Variants in GPC4 observed in about 807,000 individuals in gnomAD.
GPC4 encodes glypican-4.
In GPC4, 10 loss-of-function variants were observed where a neutral mutation model predicts 35.0. That is an observed-to-expected ratio of 0.29 (90% CI 0.18 to 0.48). The LOEUF is 0.48. GPC4 is among the 20% of genes least tolerant of loss of function. The probability of loss-of-function intolerance (pLI) is 0.99; values close to 1 mark genes in which losing one functional copy is unlikely to be tolerated. For missense variants in GPC4, 322 were observed against 451.3 expected (o/e 0.71, Z 2.60); for synonymous variants, 167 against 170.2 (o/e 0.98, Z 0.15).
At chrX:133,327,636 A>AGTGTGTGTGTGTGTGTGT (rs557359106) in intron 2 of GPC4, among the ~76,000 whole-genome samples, 24 of 83,282 alleles carry the variant, frequency 2.9e-4, no homozygotes, top group African/African-American at 1.1e-3. Context: ...TGTCCAGGAA[A>AGTGTGTGTGTGTGTGTGT]GTGTGTGTGT....
chrX:133,398,325 T>C (rs1054983675), intron 1 of GPC4, among the ~76,000 whole-genome samples: 2 of 110,625 alleles, frequency 1.8e-5, no homozygotes, highest in African/African-American at 6.6e-5. Flanking sequence ...TAGCTAAAAA[T>C]ACTTGCTTGT....
At chrX:133,344,049 T>A (rs943782842) in intron 1 of GPC4, among the ~76,000 whole-genome samples, 1 of 109,635 alleles carries the variant, frequency 9.1e-6, no homozygotes, top group African/African-American at 3.3e-5. Context: ...AATGTTCGTT[T>A]ATTTTCAGTT....
In GPC4 at chrX:133,397,294, A is replaced by G. The variant is rs755900558; in HGVS notation, c.160+17512T>C. 1.4e-4 allele frequency among the ~76,000 whole-genome samples: 16 copies of G among 111,687 alleles called. No individual in the cohort carries two copies. The South Asian group carries it at 6.0e-3, about 42-fold the overall frequency. The stretch of plus-strand genomic sequence containing the variant: ...ACAGAAATTAGCCAGGTGTGGTGGC[A>G]CACGCCTCTAGTCCCAGCGCTTTGG... On this transcript the variant is annotated intron_variant, in intron 1 of 8. Coordinates refer to ENST00000370828, the MANE Select transcript of GPC4 (RefSeq NM_001448.3).
At chrX:133,308,925 A>C (rs945788659) in intron 4 of GPC4, among the ~76,000 whole-genome samples, 4 of 110,289 alleles carry the variant, frequency 3.6e-5, no homozygotes, top group Admixed American at 9.7e-5. Flanking sequence ...AGGGGGAAAA[A>C]GCCCTTGACC....
intron 1 of GPC4, among the ~76,000 whole-genome samples, chrX:133,353,237 C>G (rs113936954): frequency 0.053 from 5,959 of 111,657 alleles, 402 homozygotes; most frequent in African/African-American, 0.18. Context: ...ACGGCTGCAT[C>G]TTACCATTTT....
chrX:133,410,465 G>A (rs1352378167), intron 1 of GPC4, among the ~76,000 whole-genome samples: 1 of 111,942 alleles, frequency 8.9e-6, no homozygotes, highest in Non-Finnish European at 1.9e-5. Flanking sequence ...TTGGTATAGG[G>A]CCAGGCCCAG....
intron 1 of GPC4, among the ~76,000 whole-genome samples, chrX:133,406,424 T>C (rs780010263): frequency 1.8e-5 from 2 of 112,421 alleles, no homozygotes; most frequent in African/African-American, 6.5e-5. Flanking sequence ...TGAATCTCAT[T>C]GGAAAATTTA....
chrX:133,326,231 G>T (rs1360622239), intron 2 of GPC4, among the ~76,000 whole-genome samples: 1 of 111,205 alleles, frequency 9.0e-6, no homozygotes, highest in East Asian at 2.8e-4. Context: ...AAGTGAGAGG[G>T]CAGAAACTGC....
chrX:133,326,123 G>A (rs750935035), intron 2 of GPC4, among the ~76,000 whole-genome samples: 7 of 109,944 alleles, frequency 6.4e-5, no homozygotes, highest in Non-Finnish European at 1.3e-4. Context: ...AGAAAGAAAG[G>A]GAAATGGACT....
intron 1 of GPC4, among the ~76,000 whole-genome samples, chrX:133,377,599 A>T (rs1434942150): frequency 8.9e-6 from 1 of 112,285 alleles, no homozygotes; most frequent in African/African-American, 3.2e-5. Flanking sequence ...ACATGCATTG[A>T]GCATTTGTTA....
intron 1 of GPC4, among the ~76,000 whole-genome samples, chrX:133,383,302 C>T (rs1443045611): frequency 3.6e-5 from 4 of 111,135 alleles, no homozygotes; most frequent in Admixed American, 9.6e-5. Flanking sequence ...GAAAAGGCTA[C>T]GTACTGTTTC....
intron 1 of GPC4, among the ~76,000 whole-genome samples, chrX:133,407,970 TC>T (rs1202425940): frequency 8.9e-6 from 1 of 112,641 alleles, no homozygotes. Context: ...TTCAGTTTTT[TC>T]CCCTAATTTC....
intron 1 of GPC4, 115 bp from the exon 2 acceptor site, chrX:133,339,456 CAT>C (rs2068457423): frequency 1.8e-6 from 1 of 552,022 alleles, no homozygotes; most frequent in Non-Finnish European, 2.7e-6. Flanking sequence ...GCCCAGGCAA[CAT>C]GTGTATCTAA....
rs1569350423 is a variant in GPC4 at position 133,361,972 on chromosome X, G to A, written c.161-22631C>T. Among the ~76,000 whole-genome samples the A allele has an allele frequency of 2.7e-5, 3 of 110,655 alleles. No homozygotes were observed. The Admixed American group carries it at 2.9e-4, about 11-fold the overall frequency. On this transcript the variant is annotated intron_variant, in intron 1 of 8. Coordinates refer to ENST00000370828, the MANE Select transcript of GPC4 (RefSeq NM_001448.3). ...TCATACCTGTAATCCCAGCACTTTGGGGAGTCTGAGGCGGGAGGATTGCTT... is the reference window on the plus strand; with the variant it reads ...TCATACCTGTAATCCCAGCACTTTGAGGAGTCTGAGGCGGGAGGATTGCTT...
chrX:133,386,588 A>G (rs2068691650), intron 1 of GPC4, among the ~76,000 whole-genome samples: 1 of 111,799 alleles, frequency 8.9e-6, no homozygotes. Flanking sequence ...GAACAACCTG[A>G]GACATGGCTA....
At chrX:133,386,936 C>T (rs908674576) in intron 1 of GPC4, among the ~76,000 whole-genome samples, 6 of 111,447 alleles carry the variant, frequency 5.4e-5, no homozygotes, top group African/African-American at 2.0e-4. Context: ...GAGGAGGCAG[C>T]CAGAAGCCCA....
At chrX:133,389,762 T>C (rs2068710824) in intron 1 of GPC4, among the ~76,000 whole-genome samples, 1 of 111,288 alleles carries the variant, frequency 9.0e-6, no homozygotes, top group Non-Finnish European at 1.9e-5. Context: ...GAAATATACA[T>C]GTGGCCAGCA....
At position 133,310,957 on chromosome X, in the gene GPC4, A is replaced by G. The variant is rs758721058; in HGVS notation, c.877+301T>C. Among the ~76,000 whole-genome samples the G allele has an allele frequency of 8.1e-5, 9 of 111,235 alleles. No homozygotes were observed. In the South Asian group the frequency reaches 3.5e-3, roughly 44 times the overall value. On this transcript the variant is annotated intron_variant, in intron 4 of 8. Coordinates refer to ENST00000370828, the MANE Select transcript of GPC4 (RefSeq NM_001448.3). Reference sequence around the variant, plus strand: ...TACACAGAGCTATGATTGTGCTGCTATACTCCAGCCTAGGTGACAGAAAGA... The same window carrying G: ...TACACAGAGCTATGATTGTGCTGCTGTACTCCAGCCTAGGTGACAGAAAGA...
intron 2 of GPC4, among the ~76,000 whole-genome samples, chrX:133,330,947 A>AAAAC (rs1556026990): frequency 0.03 from 3,227 of 108,048 alleles, 136 homozygotes; most frequent in African/African-American, 0.1. Flanking sequence ...AAGTCTAAGC[A>AAAAC]AAACAAACAA....
Sources: allele counts gnomAD v4.1 joint callset (sites outside exome capture counted in the v4.1 genomes callset), GRCh38; gene constraint gnomAD v4.1.1; transcripts MANE v1.5; gene names NCBI Gene and HGNC (gene_info 2026-07-23, HGNC 2026-07-21).